Variants in RARA observed in about 807,000 individuals in gnomAD.
RARA encodes the protein PML-DDX5-RARA fusion.
In RARA, 5 loss-of-function variants were observed where a neutral mutation model predicts 42.8. The ratio of observed to expected loss-of-function variants is 0.12; its 90% CI spans 0.06 to 0.25. RARA has a LOEUF of 0.25. Among genes scored for constraint, RARA ranks in the 10% least tolerant of loss-of-function variants. The pLI, the probability that RARA is intolerant of heterozygous loss-of-function variation, is 1.00. For missense variants in RARA, 402 were observed against 628.7 expected, an observed-to-expected ratio of 0.64 and a Z score of 3.86; for synonymous variants, 256 against 259.5, an observed-to-expected ratio of 0.99 and a Z score of 0.13.
rs1386640238 is a variant in RARA, at chr17:40,330,882, C to CA, written c.-336dup. 1 of 299,596 alleles carries CA rather than the reference C, an allele frequency of 3.3e-6. No individual in the cohort carries two copies. Among genetic ancestry groups the CA allele is most frequent in the Non-Finnish European group, 6.2e-6 (1 of 161,084 alleles). The allele number at this position is 299,596 out of a possible 1,614,324, so 18.6% of individuals were successfully genotyped here. On this transcript the variant is annotated 5_prime_UTR_variant, in exon 2 of 9. An upstream open reading frame in the 5' UTR loses its in-frame stop. Transcript: ENST00000254066. The stretch of plus-strand genomic sequence containing the variant: ...CATCACAGGACATGGCCCCCTCAGC[C>CA]ACCTAGCTGGGGCCCATCTAGGAGT...
intron 2 of RARA, among the ~76,000 whole-genome samples, chr17:40,346,747 G>A (rs920552595): frequency 6.6e-6 from 1 of 152,026 alleles, no homozygotes; most frequent in Non-Finnish European, 1.5e-5. Flanking sequence ...TGGTGTTGGA[G>A]TGAAGAGCAG....
intron 1 of RARA, among the ~76,000 whole-genome samples, chr17:40,315,884 CCTT>C (rs1282918031): frequency 1.3e-5 from 2 of 152,194 alleles, no homozygotes; most frequent in Non-Finnish European, 2.9e-5. Context: ...CAAGGAGTGT[CCTT>C]CTTAGAGTGA....
Position 40,356,736 on chromosome 17 carries a change from T to C in RARA, c.*510T>C, listed in dbSNP as rs2034645839. The C allele has an allele frequency of 5.6e-6, 3 of 531,736 alleles. No homozygotes were observed. The highest frequency in any genetic ancestry group is 1.1e-5 in the Non-Finnish European group (3 of 276,244). 32.9% of individuals were successfully genotyped at this position (531,736 alleles called of 1,614,324 possible). On this transcript the variant is annotated 3_prime_UTR_variant, in exon 9 of 9. Transcript: ENST00000254066. ...CCCCAGGTATTAATTCTCGCTGGTTTTGTTTTTATTTTAATTTTTTTGTTT... is the reference window on the plus strand; with the variant it reads ...CCCCAGGTATTAATTCTCGCTGGTTCTGTTTTTATTTTAATTTTTTTGTTT...
chr17:40,334,782 C>A (rs1453322417), intron 2 of RARA, among the ~76,000 whole-genome samples: 1 of 152,212 alleles, frequency 6.6e-6, no homozygotes, highest in Non-Finnish European at 1.5e-5. Flanking sequence ...CCTCCTCCCC[C>A]TCATCCCTTT....
chr17:40,334,460 C>G (rs760521487), intron 2 of RARA, among the ~76,000 whole-genome samples: 4 of 152,244 alleles, frequency 2.6e-5, no homozygotes, highest in Admixed American at 6.5e-5. Context: ...TCTGAGGGAG[C>G]CTGGCATCTC....
intron 2 of RARA, among the ~76,000 whole-genome samples, chr17:40,332,326 G>C (rs1184589389): frequency 6.6e-6 from 1 of 152,110 alleles, no homozygotes; most frequent in Admixed American, 6.5e-5. Flanking sequence ...CTGCTGGCTG[G>C]CCGGCTGGTC....
At chr17:40,314,107 C>T (rs867417708) in intron 1 of RARA, among the ~76,000 whole-genome samples, 18 of 148,670 alleles carry the variant, frequency 1.2e-4, no homozygotes, top group East Asian at 2.0e-4. Flanking sequence ...CTTGGGTGGA[C>T]GGGCTTAAAG....
At chr17:40,336,753 T>G (rs925835518) in intron 2 of RARA, among the ~76,000 whole-genome samples, 1 of 152,054 alleles carries the variant, frequency 6.6e-6, no homozygotes, top group Non-Finnish European at 1.5e-5. Context: ...TGGAGTGCAG[T>G]GGCTCGATCT....
rs144985665 is a variant in RARA at position 40,340,495 on chromosome 17, T to C, written c.179-7821T>C. 7.2e-5 allele frequency among the ~76,000 whole-genome samples: 11 copies of C among 152,304 alleles called. 1 individual carries two copies. The highest frequency in any genetic ancestry group is 2.6e-4 in the African/African-American group (11 of 41,560). ...CCCCATGATTCTAGCCTTCTGCCAG[T>C]TCCTTCAATGAACTCATCAACTGCT... On this transcript the variant is annotated intron_variant, in intron 2 of 8. Transcript: ENST00000254066.
intron 2 of RARA, among the ~76,000 whole-genome samples, chr17:40,346,007 G>T (rs983062674): frequency 1.3e-5 from 2 of 152,196 alleles, no homozygotes; most frequent in Admixed American, 1.3e-4. Context: ...GAGGTAGGGG[G>T]CAGGCTATGT....
intron 2 of RARA, chr17:40,341,243 G>A (rs939538684): frequency 1.4e-5 from 15 of 1,107,674 alleles, no homozygotes; most frequent in African/African-American, 1.2e-4. Flanking sequence ...ACCAGGGGCC[G>A]GTACTGGTTC....
chr17:40,342,975 C>T, intron 2 of RARA: 1 of 1,482,022 alleles, frequency 6.7e-7, no homozygotes, highest in Non-Finnish European at 8.9e-7. Flanking sequence ...GGTCCTGTCT[C>T]TACCTTTCAC....
rs915906918 is a variant in RARA at position 40,345,953 on chromosome 17, A to C, written c.179-2363A>C. On this transcript the variant is annotated intron_variant, in intron 2 of 8. Transcript: ENST00000254066. This position sits in a 1 kb window ranked among gnomAD's most constrained non-coding sequence, Gnocchi z 4.8. ...CTGGGTTCAAAGGGCAGAGCAGGGA[A>C]ACCTCAGAGCTGGGTTACCTGGGTG... Among the ~76,000 whole-genome samples the C allele has an allele frequency of 6.6e-6, 1 of 152,080 alleles. No homozygotes were observed. Among genetic ancestry groups the C allele is most frequent in the Non-Finnish European group, 1.5e-5 (1 of 68,004 alleles).
intron 2 of RARA, 118 bp downstream of exon 2, chr17:40,331,514 T>TCACCCCAACTGGAGAAGAC: frequency 8.1e-7 from 1 of 1,230,020 alleles, no homozygotes; most frequent in Non-Finnish European, 1.1e-6. Flanking sequence ...AGCGACAAGG[T>TCACCCCAACTGGAGAAGAC]CTTCTCCAGT....
At chr17:40,346,611 C>T (rs2034274564) in intron 2 of RARA, among the ~76,000 whole-genome samples, 1 of 152,152 alleles carries the variant, frequency 6.6e-6, no homozygotes, top group Admixed American at 6.5e-5. Flanking sequence ...ACCCCCTCTG[C>T]CTCCTGGCCT....
chr17:40,322,568 G>A (rs1011650342), intron 1 of RARA, among the ~76,000 whole-genome samples: 1 of 152,070 alleles, frequency 6.6e-6, no homozygotes, highest in Non-Finnish European at 1.5e-5. Flanking sequence ...CCCTCCCCCC[G>A]GAGCCTCTGT....
Position 40,351,350 on chromosome 17 carries a change from C to A in RARA, c.470-560C>A. On this transcript the variant is annotated intron_variant, in intron 4 of 8. Transcript: ENST00000254066. The surrounding 1 kb of genome is among the most constrained non-coding windows in gnomAD (Gnocchi z 4.1). ...AACGACCCCATCGCTTCTTTAAAGC[C>A]GAGTGGTGTGTGCGGCTCAGCGCCC... is the stretch of plus-strand genomic sequence containing the variant. 1 of 338,368 alleles carries A rather than the reference C, an allele frequency of 3.0e-6. No homozygotes were observed. 21.0% of individuals were successfully genotyped at this position (338,368 alleles called of 1,614,324 possible).
In RARA at chr17:40,351,773, C is replaced by T. The variant is rs191374472; in HGVS notation, c.470-137C>T. 454 of 1,175,692 alleles carry T rather than the reference C, an allele frequency of 3.9e-4. No individual in the cohort carries two copies. Among genetic ancestry groups the T allele is most frequent in the Non-Finnish European group, 4.8e-4 (407 of 846,994 alleles). The allele number at this position is 1,175,692 out of a possible 1,614,324, so 72.8% of individuals were successfully genotyped here. ...AGTGCGTGGCAATGCCTTGCCTGCC[C>T]GTGAACGCGTGCTGTGTGCGCGTGC... On this transcript the variant is annotated intron_variant, in intron 4 of 8. Coordinates refer to ENST00000254066, the MANE Select transcript of RARA (RefSeq NM_000964.4). The surrounding 1 kb of genome is among the most constrained non-coding windows in gnomAD (Gnocchi z 4.1).
rs2033675145 is a variant in RARA at position 40,330,976 on chromosome 17, G to A, written c.-243G>A. 1 of 479,518 alleles carries A rather than the reference G, an allele frequency of 2.1e-6. No individual in the cohort carries two copies. The highest frequency in any genetic ancestry group is 2.0e-5 in the African/African-American group (1 of 49,990). The allele number at this position is 479,518 out of a possible 1,614,324, so 29.7% of individuals were successfully genotyped here. On this transcript the variant is annotated 5_prime_UTR_variant, in exon 2 of 9. Coordinates refer to ENST00000254066, the MANE Select transcript of RARA (RefSeq NM_000964.4). ...AGGAAAAGTGCCAGCTCACAGAACT[G>A]CTTGACCAAAGGACCGGCTCTTGAG...
Sources: allele counts gnomAD v4.1 joint callset (sites outside exome capture counted in the v4.1 genomes callset), GRCh38; gene constraint gnomAD v4.1.1; non-coding constraint Gnocchi (gnomAD v3.1); transcripts MANE v1.5; gene names NCBI Gene and HGNC (gene_info 2026-07-23, HGNC 2026-07-21).